Variants in PVR observed in about 807,000 individuals in gnomAD.
The protein encoded by PVR is poliovirus receptor.
Under a neutral mutation model 43.3 loss-of-function variants are expected in PVR, and 39 were observed. The ratio of observed to expected loss-of-function variants is 0.90; its 90% CI spans 0.70 to 1.18. The LOEUF (loss-of-function observed/expected upper bound fraction) is 1.18, where lower values mean the gene tolerates loss of function less well. PVR is among the 50% of genes most tolerant of loss of function. The pLI, the probability that PVR is intolerant of heterozygous loss-of-function variation, is 0.00. For synonymous variants in PVR, 224 were observed against 233.2 expected (o/e 0.96, Z 0.36); for missense variants, 480 against 549.7 (o/e 0.87, Z 1.27).
intron 2 of PVR, 96 bp downstream of exon 2, chr19:44,647,666 G>C: frequency 2.2e-4 from 162 of 722,818 alleles, no homozygotes; most frequent in Non-Finnish European, 3.0e-4. Context: ...GGGAGGGAGG[G>C]AGATTCCCTC....
chr19:44,653,992 G>A lies in PVR; in HGVS notation c.817G>A (p.Glu273Lys), dbSNP rs1264431695. The A allele has an allele frequency of 6.2e-7, 1 of 1,614,032 alleles. No individual in the cohort carries two copies. Among genetic ancestry groups the A allele is most frequent in the Non-Finnish European group, 8.5e-7 (1 of 1,179,874 alleles). ...GACCTGCGATGCTCGCAGCAACCCA[G>A]AGCCCACAGGCTATAATTGGAGCAC... ...TLTCDARSNP[E>K]PTGYNWSTTM... The change falls in exon 4 of 8, where the codon GAG becomes AAG. Residue 273 changes from glutamate to lysine, a missense_variant. Glu to Lys is a moderately conservative substitution (Grantham distance 56). Coordinates refer to ENST00000425690, the MANE Select transcript of PVR (RefSeq NM_006505.5).
At chr19:44,661,691 A>C (rs1284617445) in intron 7 of PVR, 49 bp from the exon 8 acceptor site, 1 of 1,554,524 alleles carries the variant, frequency 6.4e-7, no homozygotes, top group East Asian at 2.2e-5. Flanking sequence ...AAGATGTTTG[A>C]TTTTGTTCAA....
At chr19:44,645,465 T>G (rs1444682634) in intron 1 of PVR, among the ~76,000 whole-genome samples, 1 of 115,840 alleles carries the variant, frequency 8.6e-6, no homozygotes, top group Non-Finnish European at 1.7e-5. Flanking sequence ...TGCGTGTATG[T>G]GTGTGTGTGT....
chr19:44,661,363 C>T (rs1167139019), intron 7 of PVR, 40 bp downstream of exon 7: 1 of 1,602,550 alleles, frequency 6.2e-7, no homozygotes, highest in Non-Finnish European at 8.6e-7. Context: ...GTGGGGTCTG[C>T]ACGAACTACA....
chr19:44,657,481 C>T (rs117671154), intron 4 of PVR, among the ~76,000 whole-genome samples: 98 of 152,268 alleles, frequency 6.4e-4, no homozygotes, highest in Non-Finnish European at 1.2e-3. Context: ...AGCGTGGAGG[C>T]GGCTGCTGGG....
chr19:44,645,963 C>T (rs1047347228), intron 1 of PVR, among the ~76,000 whole-genome samples: 1 of 151,982 alleles, frequency 6.6e-6, no homozygotes, highest in South Asian at 2.1e-4. Flanking sequence ...AGTCTCTGAC[C>T]GCCCAAGTTC....
intron 2 of PVR, among the ~76,000 whole-genome samples, chr19:44,648,455 G>A (rs1428929782): frequency 6.6e-6 from 1 of 152,028 alleles, no homozygotes; most frequent in Admixed American, 6.6e-5. Flanking sequence ...CTGTGGGATA[G>A]GGATCACCAT....
intron 5 of PVR, 99 bp downstream of exon 5, chr19:44,658,009 C>A: frequency 7.5e-7 from 1 of 1,334,412 alleles, no homozygotes; most frequent in Non-Finnish European, 1.0e-6. Flanking sequence ...TCTCCTAAGC[C>A]TTCTCACAAA....
Position 44,663,110 on chromosome 19 carries a change from G to C in PVR, c.*1299G>C, listed in dbSNP as rs574688415. 1 of 152,540 alleles carries C rather than the reference G, an allele frequency of 6.6e-6. No homozygotes were observed. The highest frequency in any genetic ancestry group is 2.4e-5 in the African/African-American group (1 of 41,570). 9.4% of individuals were successfully genotyped at this position (152,540 alleles called of 1,614,324 possible). On this transcript the variant is annotated 3_prime_UTR_variant, in exon 8 of 8. Transcript: ENST00000425690. Reference sequence around the variant, plus strand: ...ACAAGGGGGAAGGGATGCAGGGGGAGGCAGCGCTGCAGTTGCTCAGGACAC... The same window carrying C: ...ACAAGGGGGAAGGGATGCAGGGGGACGCAGCGCTGCAGTTGCTCAGGACAC...
intron 6 of PVR, among the ~76,000 whole-genome samples, chr19:44,659,307 C>T (rs893331862): frequency 2.0e-5 from 3 of 152,148 alleles, no homozygotes; most frequent in Non-Finnish European, 4.4e-5. Flanking sequence ...TTTCACACCT[C>T]AAGAGATTTG....
Position 44,647,540 on chromosome 19 carries a change from A to G in PVR, c.397A>G (p.Arg133Gly). 6.2e-7 allele frequency: 1 copy of G among 1,613,502 alleles called. No individual in the cohort carries two copies. Among genetic ancestry groups the G allele is most frequent in the Non-Finnish European group, 8.5e-7 (1 of 1,179,688 alleles). ...CLFVTFPQGS[R>G]SVDIWLRVLA... is the part of the protein sequence containing the mutation. ...GTTCGTCACGTTCCCGCAGGGCAGC[A>G]GGAGCGTGGATATCTGGCTCCGAGT... The change falls in exon 2 of 8, where the codon AGG becomes GGG. Residue 133 changes from arginine (R) to glycine (G), a missense_variant. Coordinates refer to ENST00000425690, the MANE Select transcript of PVR (RefSeq NM_006505.5).
At chr19:44,661,668 G>C in intron 7 of PVR, 72 bp from the exon 8 acceptor site, 1 of 1,382,112 alleles carries the variant, frequency 7.2e-7, no homozygotes, top group Non-Finnish European at 1.0e-6. Flanking sequence ...TTTGCACATG[G>C]GGCTTCAGTG....
rs760966351 is a variant in PVR, at chr19:44,653,972, G to GCGATGCT, written c.800_806dup (p.Ser270CysfsTer11). 22 of 1,614,100 alleles carry GCGATGCT rather than the reference G, an allele frequency of 1.4e-5. No individual in the cohort carries two copies. The South Asian group carries it at 2.3e-4, about 17-fold the overall frequency. On this transcript the variant is annotated frameshift_variant, in exon 4 of 8. Coordinates refer to ENST00000425690, the MANE Select transcript of PVR (RefSeq NM_006505.5). LOFTEE classifies it high-confidence loss of function. ...GGCCAGAATGAGGCCACCCTGACCTGCGATGCTCGCAGCAACCCAGAGCCC... is the reference window on the plus strand; with the variant it reads ...GGCCAGAATGAGGCCACCCTGACCTGCGATGCTCGATGCTCGCAGCAACCCAGAGCCC...
chr19:44,650,240 C>A, intron 3 of PVR, 135 bp downstream of exon 3: 1 of 801,112 alleles, frequency 1.2e-6, no homozygotes, highest in Non-Finnish European at 1.9e-6. Flanking sequence ...GTCTACACGA[C>A]CCACCCCCAT....
intron 2 of PVR, among the ~76,000 whole-genome samples, 153 bp downstream of exon 2, chr19:44,647,723 T>G (rs1599760122): frequency 2.5e-3 from 6 of 2,446 alleles, no homozygotes; most frequent in East Asian, 0.011. Context: ...CGCAATGATG[T>G]GGGGTGGGGT....
intron 6 of PVR, chr19:44,659,162 C>A (rs1186741531): frequency 4.8e-6 from 2 of 417,618 alleles, no homozygotes; most frequent in Non-Finnish European, 8.5e-6. Context: ...TGTGGGAGTC[C>A]CTGCCAGATG....
chr19:44,648,635 C>G (rs73936838), intron 2 of PVR, among the ~76,000 whole-genome samples: 3 of 151,682 alleles, frequency 2.0e-5, no homozygotes, highest in Non-Finnish European at 2.9e-5. Context: ...AATGTGCCAC[C>G]ATGCCCAACT....
chr19:44,652,369 T>C (rs1973304945), intron 3 of PVR, among the ~76,000 whole-genome samples: 1 of 151,358 alleles, frequency 6.6e-6, no homozygotes, highest in South Asian at 2.1e-4. Flanking sequence ...TAGCTAATTT[T>C]TGTTTTTGTT....
Position 44,647,447 on chromosome 19 carries a change from G to A in PVR, c.304G>A (p.Glu102Lys), listed in dbSNP as rs996816834. The change falls in exon 2 of 8, where the codon GAG becomes AAG. Residue 102 changes from glutamate (E) to lysine (K), a missense_variant. By Grantham distance (56) the Glu-to-Lys change is moderately conservative. Transcript: ENST00000425690. ...ATTCGTGGCAGCCAGACTGGGCGCG[G>A]AGCTGCGGAATGCCTCGCTGAGGAT... ...LEFVAARLGA[E>K]LRNASLRMFG... The A allele has an allele frequency of 6.2e-7, 1 of 1,614,012 alleles. No individual in the cohort carries two copies. The highest frequency in any genetic ancestry group is 1.3e-5 in the African/African-American group (1 of 74,938).
Sources: gnomAD v4.1 joint callset for allele counts (sites outside exome capture counted in the v4.1 genomes callset) on GRCh38, gnomAD v4.1.1 for gene constraint, MANE v1.5 for transcripts, NCBI Gene and HGNC (gene_info 2026-07-23, HGNC 2026-07-21) for gene names.